The following CHST9 variants were observed in gnomAD, a reference collection of about 807,000 sequenced individuals.
CHST9 encodes the protein carbohydrate sulfotransferase 9.
In CHST9, 41 loss-of-function variants were observed where a neutral mutation model predicts 44.4. That is an observed-to-expected ratio of 0.92 (90% CI 0.72 to 1.20). The LOEUF is 1.20. Ranked by LOEUF, CHST9 falls within the 50% of genes most tolerant of loss-of-function variation. The pLI is 0.00. For synonymous variants in CHST9, 171 were observed against 178.4 expected (o/e 0.96, Z 0.33); for missense variants, 504 against 516.5 (o/e 0.98, Z 0.23).
chr18:26,930,029 C>T (rs163221), intron 5 of CHST9, among the ~76,000 whole-genome samples: 65,612 of 152,052 alleles, frequency 0.43, 14,570 homozygotes, highest in East Asian at 0.7. Context: ...CTGGATTAAG[C>T]ATCTACTGGT....
At chr18:26,939,799 A>G (rs1009201440) in intron 5 of CHST9, among the ~76,000 whole-genome samples, 3 of 152,184 alleles carry the variant, frequency 2.0e-5, no homozygotes, top group Non-Finnish European at 4.4e-5. Context: ...ATCTGCCCCC[A>G]TCAAGGATGG....
At chr18:27,114,871 G>A (rs143651095) in intron 2 of CHST9, among the ~76,000 whole-genome samples, 19 of 152,258 alleles carry the variant, frequency 1.2e-4, no homozygotes, top group South Asian at 6.2e-4. Context: ...GGGTACTGAT[G>A]TGATTTGGCT....
At chr18:27,043,712 G>A (rs968146293) in intron 3 of CHST9, among the ~76,000 whole-genome samples, 25 of 151,874 alleles carry the variant, frequency 1.6e-4, no homozygotes, top group Non-Finnish European at 2.2e-4. Flanking sequence ...CCATACTTCC[G>A]CTGAGGTTTT....
chr18:27,041,982 GACTTCATTAA>G (rs2057450748), intron 3 of CHST9, among the ~76,000 whole-genome samples: 2 of 152,028 alleles, frequency 1.3e-5, no homozygotes, highest in Admixed American at 1.3e-4. Flanking sequence ...TTTAAAAATA[GACTTCATTAA>G]CATAGTTCAG....
intron 3 of CHST9, among the ~76,000 whole-genome samples, chr18:27,035,377 G>A (rs1363342629): frequency 6.6e-6 from 1 of 152,188 alleles, no homozygotes; most frequent in South Asian, 2.1e-4. Context: ...TTGCTATGAA[G>A]TTGTATGCAT....
At chr18:27,146,438 C>T (rs2058612937) in intron 1 of CHST9, among the ~76,000 whole-genome samples, 1 of 152,176 alleles carries the variant, frequency 6.6e-6, no homozygotes, top group African/African-American at 2.4e-5. Context: ...GTGGTAGGAG[C>T]AGCAGGATTG....
At chr18:27,066,322 C>T (rs907049424) in intron 2 of CHST9, among the ~76,000 whole-genome samples, 7 of 152,098 alleles carry the variant, frequency 4.6e-5, no homozygotes, top group Non-Finnish European at 8.8e-5. Flanking sequence ...ACTTCCATCT[C>T]CTCATGTTCA....
Position 26,907,526 on chromosome 18 carries a change from AAG to A in CHST9, c.*8731_*8732del, listed in dbSNP as rs1330131503. 6.6e-6 allele frequency: 1 copy of A among 152,186 alleles called. No homozygotes were observed. The highest frequency in any genetic ancestry group is 1.5e-5 in the Non-Finnish European group (1 of 68,156). 9.4% of individuals were successfully genotyped at this position (152,186 alleles called of 1,614,324 possible). A position where few individuals can be genotyped will look rare whatever the true frequency, so the allele number is the denominator to read the frequency against. On this transcript the variant is annotated 3_prime_UTR_variant, in exon 6 of 6. Transcript: ENST00000618847. ...GGTGGAGCTAAAGCAAGGAGAGTGG[AAG>A]AGAGTCCCCAAGCAGAGAGGGTAGA...
At chr18:27,021,536 A>G (rs980240282) in intron 4 of CHST9, among the ~76,000 whole-genome samples, 1 of 152,122 alleles carries the variant, frequency 6.6e-6, no homozygotes, top group Non-Finnish European at 1.5e-5. Context: ...CCATCAACTC[A>G]TTCCTTTTGA....
chr18:27,037,881 A>AATT (rs1467401835), intron 3 of CHST9, among the ~76,000 whole-genome samples: 1 of 151,706 alleles, frequency 6.6e-6, no homozygotes, highest in African/African-American at 2.4e-5. Flanking sequence ...GTCTTTGACT[A>AATT]CTGCCAATTC....
intron 4 of CHST9, among the ~76,000 whole-genome samples, chr18:26,969,370 CTCTCTCTGTGTG>C (rs1272150184): frequency 1.6e-5 from 2 of 121,910 alleles, no homozygotes; most frequent in African/African-American, 6.2e-5. Context: ...TTCTCTCTCT[CTCTCTCTGTGTG>C]TGTGTGTGTG....
chr18:27,086,297 T>A (rs2058011858), intron 2 of CHST9, among the ~76,000 whole-genome samples: 1 of 152,216 alleles, frequency 6.6e-6, no homozygotes, highest in South Asian at 2.1e-4. Flanking sequence ...TATATTTGTA[T>A]AACAGTTCAA....
chr18:26,955,602 C>T (rs2056311755), intron 4 of CHST9, among the ~76,000 whole-genome samples: 1 of 152,126 alleles, frequency 6.6e-6, no homozygotes, highest in South Asian at 2.1e-4. Flanking sequence ...ACCCAAGACA[C>T]AAGCTTGGGG....
rs374579273 is a variant in CHST9 at position 27,082,275 on chromosome 18, A to T, written c.122-33772T>A. Among the ~76,000 whole-genome samples the T allele has an allele frequency of 2.6e-5, 4 of 152,258 alleles. No homozygotes were observed. In the East Asian group the frequency reaches 5.8e-4, roughly 22 times the overall value. ...CAATGTTCATATTTTATACTTAAGC[A>T]TAAAAGAAATTATAATATACTAACT... On this transcript the variant is annotated intron_variant, in intron 2 of 5. Transcript: ENST00000618847.
chr18:27,112,917 C>T (rs775293382), intron 2 of CHST9, among the ~76,000 whole-genome samples: 5 of 152,006 alleles, frequency 3.3e-5, no homozygotes, highest in South Asian at 2.1e-4. Flanking sequence ...TAGCCGGGCC[C>T]GATGGCTCAC....
Position 26,917,241 on chromosome 18 carries a change from C to T in CHST9, c.350G>A (p.Gly117Glu), listed in dbSNP as rs762403789. ...TGTGGACTTACTTAAAGCTTGATCCCCTCCTTGTGAATGACTGGTCTTTGT... is the reference window on the plus strand; with the variant it reads ...TGTGGACTTACTTAAAGCTTGATCCTCTCCTTGTGAATGACTGGTCTTTGT... ...LLTKTSHSQG[G>E]DQALSKSTGS... is the part of the protein sequence containing the mutation. Residue 117 changes from glycine (G) to glutamate (E), a missense_variant, in exon 6 of 6, where the codon GGG (glycine) becomes GAG (glutamate). Transcript: ENST00000618847. 1.9e-6 allele frequency: 3 copies of T among 1,613,656 alleles called. No individual in the cohort carries two copies. The highest frequency in any genetic ancestry group is 1.1e-5 in the South Asian group (1 of 91,066).
chr18:26,992,836 G>T (rs1448066720), intron 4 of CHST9, among the ~76,000 whole-genome samples: 4 of 152,166 alleles, frequency 2.6e-5, no homozygotes, highest in Non-Finnish European at 5.9e-5. Flanking sequence ...AACAAGAAGA[G>T]AAATAATTAT....
At chr18:27,088,264 A>C (rs2058032193) in intron 2 of CHST9, among the ~76,000 whole-genome samples, 1 of 152,180 alleles carries the variant, frequency 6.6e-6, no homozygotes, top group Non-Finnish European at 1.5e-5. Context: ...AGGGACACAA[A>C]ACTACCAAGA....
chr18:27,143,078 CT>C (rs1350728556), intron 1 of CHST9, 173 bp from the exon 2 acceptor site: 2 of 236,196 alleles, frequency 8.5e-6, no homozygotes, highest in Admixed American at 1.1e-4. Flanking sequence ...CTATTGCATA[CT>C]TTTATCTTAT....
Sources: gnomAD v4.1 joint callset for allele counts (sites outside exome capture counted in the v4.1 genomes callset) on GRCh38, gnomAD v4.1.1 for gene constraint, MANE v1.5 for transcripts, NCBI Gene and HGNC (gene_info 2026-07-23, HGNC 2026-07-21) for gene names.